Variants in LCMT1 observed in about 807,000 individuals in gnomAD.
LCMT1 encodes leucine carboxyl methyltransferase 1, also known as [Phosphatase 2A protein]-leucine-carboxy methyltransferase 1.
A neutral mutation model predicts 47.7 loss-of-function variants in LCMT1; 32 were observed. That is an observed-to-expected ratio of 0.67 (90% CI 0.51 to 0.90). LCMT1 has a LOEUF of 0.90. Among genes scored for constraint, LCMT1 ranks in the 40% least tolerant of loss-of-function variants. The pLI is 0.00. For missense variants in LCMT1, 375 were observed against 415.2 expected (o/e 0.90, Z 0.84); for synonymous variants, 152 against 149.7 (o/e 1.02, Z -0.11).
At chr16:25,139,057 A>G (rs1392756336) in intron 3 of LCMT1, among the ~76,000 whole-genome samples, 1 of 151,924 alleles carries the variant, frequency 6.6e-6, no homozygotes, top group East Asian at 1.9e-4. Flanking sequence ...CTCCTGCCTC[A>G]GCCTCCTGAG....
At chr16:25,160,961 G>T in intron 5 of LCMT1, 141 bp from the exon 6 acceptor site, 1 of 608,654 alleles carries the variant, frequency 1.6e-6, no homozygotes, top group Non-Finnish European at 2.9e-6. Context: ...TAGGATTTTG[G>T]TTAATTTTTA....
rs180903489 is a variant in LCMT1, at chr16:25,121,729, C to T, written c.114-6746C>T. 1.8e-3 allele frequency among the ~76,000 whole-genome samples: 280 copies of T among 152,270 alleles called. 4 individuals carry two copies. The highest frequency in any genetic ancestry group is 1.5e-3 in the Non-Finnish European group (102 of 68,016). On this transcript the variant is annotated intron_variant, in intron 1 of 10. Coordinates refer to ENST00000399069, the MANE Select transcript of LCMT1 (RefSeq NM_016309.3). ...CCAGTCGCTTGTAAAACCATCAGAT[C>T]TCATGACATGAGAACAGCATGGGGG...
At chr16:25,137,264 C>T (rs927266786) in intron 3 of LCMT1, among the ~76,000 whole-genome samples, 2 of 151,330 alleles carry the variant, frequency 1.3e-5, no homozygotes, top group East Asian at 3.9e-4. Context: ...GAACTCCTGA[C>T]CTCAGGTGAT....
In LCMT1 at chr16:25,122,353, T is replaced by C. The variant is rs190739025; in HGVS notation, c.114-6122T>C. On this transcript the variant is annotated intron_variant, in intron 1 of 10. Coordinates refer to ENST00000399069, the MANE Select transcript of LCMT1 (RefSeq NM_016309.3). The stretch of plus-strand genomic sequence containing the variant: ...GACAGTCTCACTCTGTCGCCCAGGC[T>C]GGAGAGCAGTGGCACAATCTTGGGT... 4.9e-3 allele frequency among the ~76,000 whole-genome samples: 747 copies of C among 152,278 alleles called. 22 individuals are homozygous for C. Among genetic ancestry groups the C allele is most frequent in the Admixed American group, 0.045 (681 of 15,292 alleles).
intron 1 of LCMT1, among the ~76,000 whole-genome samples, chr16:25,116,073 G>T (rs57044426): frequency 6.6e-6 from 1 of 152,140 alleles, no homozygotes; most frequent in Non-Finnish European, 1.5e-5. Context: ...AAACAAGCTG[G>T]GTTTATTACT....
chr16:25,144,070 G>GGACCA (rs1374510801), intron 4 of LCMT1: 1 of 152,194 alleles, frequency 6.6e-6, no homozygotes, highest in Non-Finnish European at 1.5e-5. Context: ...GGCTGATGAG[G>GGACCA]GACCAGTCCC....
intron 5 of LCMT1, among the ~76,000 whole-genome samples, chr16:25,156,910 G>A (rs948810058): frequency 2.0e-5 from 3 of 150,810 alleles, no homozygotes; most frequent in African/African-American, 7.3e-5. Context: ...GTACAGTCCG[G>A]AAATCTGCCT....
rs753911399 is a variant in LCMT1 at position 25,151,547 on chromosome 16, C to T, written c.405-7C>T. On this transcript the variant is annotated splice_polypyrimidine_tract_variant and splice_region_variant and intron_variant, in intron 4 of 10. Coordinates refer to ENST00000399069, the MANE Select transcript of LCMT1 (RefSeq NM_016309.3). Reference sequence around the variant, plus strand: ...TCATTTTTCTCCTCTTTCCCATCTTCCCATAGATGCAAGCCTCCCCTATCC... The same window carrying T: ...TCATTTTTCTCCTCTTTCCCATCTTTCCATAGATGCAAGCCTCCCCTATCC... The T allele has an allele frequency of 1.9e-6, 3 of 1,611,014 alleles. No individual in the cohort carries two copies. Among genetic ancestry groups the T allele is most frequent in the Non-Finnish European group, 2.5e-6 (3 of 1,177,656 alleles).
intron 1 of LCMT1, among the ~76,000 whole-genome samples, chr16:25,118,386 A>G (rs572156042): frequency 2.2e-4 from 33 of 152,034 alleles, no homozygotes; most frequent in African/African-American, 7.5e-4. Flanking sequence ...TTAGTTCCAC[A>G]TTATCTCCTA....
intron 2 of LCMT1, among the ~76,000 whole-genome samples, chr16:25,129,945 G>A (rs1478736358): frequency 6.6e-6 from 1 of 152,136 alleles, no homozygotes; most frequent in Non-Finnish European, 1.5e-5. Flanking sequence ...CCTCACTGTG[G>A]GTGGGAGGGA....
chr16:25,126,729 G>A (rs1960203798), intron 1 of LCMT1, among the ~76,000 whole-genome samples: 1 of 152,194 alleles, frequency 6.6e-6, no homozygotes, highest in African/African-American at 2.4e-5. Context: ...CTTCCAGAGG[G>A]AGGCAAATTG....
chr16:25,148,495 C>G (rs756816773), intron 4 of LCMT1, among the ~76,000 whole-genome samples: 1 of 152,154 alleles, frequency 6.6e-6, no homozygotes, highest in African/African-American at 2.4e-5. Flanking sequence ...ACTATTGGGT[C>G]TGAAGCCAGG....
rs1291042143 is a variant in LCMT1 at position 25,132,506 on chromosome 16, A to G, written c.310A>G (p.Thr104Ala). Residue 104 changes from threonine to alanine, a missense_variant, in exon 3 of 11, where the codon ACC (threonine) becomes GCC (alanine). Thr to Ala is a moderately conservative substitution (Grantham distance 58, BLOSUM62 0). Coordinates refer to ENST00000399069, the MANE Select transcript of LCMT1 (RefSeq NM_016309.3). ...CAACCTTGGGGCAGGCATGGATACCACCTTCTGGAGATTAAAGGTATGTTC... is the reference window on the plus strand; with the variant it reads ...CAACCTTGGGGCAGGCATGGATACCGCCTTCTGGAGATTAAAGGTATGTTC... Reference protein sequence around the residue: ...IVNLGAGMDTTFWRLKDEDLL... With the variant: ...IVNLGAGMDTAFWRLKDEDLL... 1 of 1,613,830 alleles carries G rather than the reference A, an allele frequency of 6.2e-7. No homozygotes were observed.
At chr16:25,124,942 T>G (rs1166370595) in intron 1 of LCMT1, among the ~76,000 whole-genome samples, 1 of 152,184 alleles carries the variant, frequency 6.6e-6, no homozygotes, top group African/African-American at 2.4e-5. Context: ...GTGAGTGATT[T>G]AAAGACACAC....
At chr16:25,163,866 G>A (rs1413745657) in intron 6 of LCMT1, among the ~76,000 whole-genome samples, 2 of 152,178 alleles carry the variant, frequency 1.3e-5, no homozygotes, top group Non-Finnish European at 2.9e-5. Flanking sequence ...TCTGCAGTTT[G>A]GGCTGGGCTT....
intron 1 of LCMT1, among the ~76,000 whole-genome samples, chr16:25,125,394 G>A (rs1303686414): frequency 6.6e-6 from 1 of 152,194 alleles, no homozygotes; most frequent in Non-Finnish European, 1.5e-5. Context: ...CTAGAAATGG[G>A]ATTGTGTGGT....
At position 25,172,841 on chromosome 16, in the gene LCMT1, C is replaced by G. The variant is rs550369393; in HGVS notation, c.884+2036C>G. Among the ~76,000 whole-genome samples the G allele has an allele frequency of 2.6e-5, 4 of 152,342 alleles. No individual in the cohort carries two copies. The South Asian group carries it at 6.2e-4, about 24-fold the overall frequency. ...ATGTCAAGACGACTGTTTTGAACAT[C>G]CCTGATCTGGCCCCTGAAATGGGGA... On this transcript the variant is annotated intron_variant, in intron 9 of 10. Transcript: ENST00000399069.
intron 4 of LCMT1, chr16:25,148,340 A>C (rs1221020971): frequency 6.6e-6 from 1 of 152,288 alleles, no homozygotes; most frequent in Non-Finnish European, 1.5e-5. Flanking sequence ...CTCCAGCCCC[A>C]TGTGCCGTCA....
chr16:25,121,341 T>G (rs1959980879), intron 1 of LCMT1, among the ~76,000 whole-genome samples: 1 of 151,918 alleles, frequency 6.6e-6, no homozygotes, highest in Non-Finnish European at 1.5e-5. Context: ...ACCTGGGAGT[T>G]GGAGGTTGCA....
Sources: gnomAD v4.1 joint callset for allele counts (sites outside exome capture counted in the v4.1 genomes callset) on GRCh38, gnomAD v4.1.1 for gene constraint, MANE v1.5 for transcripts, NCBI Gene and HGNC (gene_info 2026-07-23, HGNC 2026-07-21) for gene names.